The following PTPRK variants were observed in gnomAD, a reference collection of about 807,000 sequenced individuals.
PTPRK encodes the protein protein tyrosine phosphatase receptor type K.
Under a neutral mutation model 178.0 loss-of-function variants are expected in PTPRK, and 75 were observed. The observed-to-expected ratio is 0.42, with a 90% CI of 0.35 to 0.51. PTPRK has a LOEUF of 0.51. Among genes scored for constraint, PTPRK ranks in the 20% least tolerant of loss-of-function variants. PTPRK has a pLI of 0.02. For missense variants in PTPRK, 1,441 were observed against 1,797.8 expected (o/e 0.80, Z 3.59); for synonymous variants, 637 against 620.6 (o/e 1.03, Z -0.39).
chr6:128,284,623 C>A (rs1224576886), intron 3 of PTPRK, among the ~76,000 whole-genome samples: 1 of 152,148 alleles, frequency 6.6e-6, no homozygotes, highest in Non-Finnish European at 1.5e-5. Flanking sequence ...AACAAGATGA[C>A]CTCCTTTTTA....
chr6:128,329,599 C>A (rs1314107361), intron 2 of PTPRK, among the ~76,000 whole-genome samples: 1 of 152,136 alleles, frequency 6.6e-6, no homozygotes, highest in Non-Finnish European at 1.5e-5. Flanking sequence ...AAGTTCCAAT[C>A]TGAGTCCAAG....
intron 8 of PTPRK, among the ~76,000 whole-genome samples, chr6:128,087,358 T>C (rs1786065353): frequency 6.6e-6 from 1 of 152,094 alleles, no homozygotes; most frequent in Admixed American, 6.6e-5. Flanking sequence ...AACATGTGAA[T>C]ATACTTTAAT....
chr6:128,446,412 G>T (rs1411736898), intron 1 of PTPRK, among the ~76,000 whole-genome samples: 1 of 152,132 alleles, frequency 6.6e-6, no homozygotes, highest in Non-Finnish European at 1.5e-5. Context: ...TGTACAAACC[G>T]CTTTCCACAG....
chr6:128,154,627 T>G (rs1797719636), intron 7 of PTPRK, among the ~76,000 whole-genome samples: 1 of 151,608 alleles, frequency 6.6e-6, no homozygotes. Context: ...TCAAAACCAA[T>G]GGGAGATTTT....
intron 23 of PTPRK, 100 bp from the exon 24 acceptor site, chr6:127,983,080 T>C (rs1315035041): frequency 7.3e-7 from 1 of 1,363,870 alleles, no homozygotes; most frequent in Non-Finnish European, 1.0e-6. Context: ...TATGGAAATA[T>C]GAATTAAAAC....
At chr6:128,193,726 C>T (rs146190914) in intron 6 of PTPRK, among the ~76,000 whole-genome samples, 29 of 152,214 alleles carry the variant, frequency 1.9e-4, no homozygotes, top group African/African-American at 4.8e-4. Context: ...GCAAATTTTG[C>T]ATACTGAATT....
chr6:128,152,227 A>G (rs1461729822), intron 7 of PTPRK, among the ~76,000 whole-genome samples: 1 of 152,010 alleles, frequency 6.6e-6, no homozygotes, highest in African/African-American at 2.4e-5. Flanking sequence ...GCTGAGAGTT[A>G]AGAGAATGGT....
intron 15 of PTPRK, among the ~76,000 whole-genome samples, chr6:128,001,536 ACT>A (rs1777834927): frequency 6.6e-6 from 1 of 151,926 alleles, no homozygotes; most frequent in Non-Finnish European, 1.5e-5. Context: ...AGACTTTATG[ACT>A]CTATTGTGTT....
In PTPRK at chr6:127,981,240, G is replaced by A. The variant is rs1775306908; in HGVS notation, c.3587C>T (p.Ala1196Val). The A allele has an allele frequency of 6.2e-7, 1 of 1,613,816 alleles. No homozygotes were observed. Among genetic ancestry groups the A allele is most frequent in the Non-Finnish European group, 8.5e-7 (1 of 1,179,844 alleles). The change falls in exon 25 of 30, where the codon GCG (alanine) becomes GTG (valine). Residue 1196 changes from alanine (A) to valine (V), a missense_variant. By Grantham distance (64) the Ala-to-Val change is moderately conservative. Transcript: ENST00000368226. ...CTTGTCATGGTTCCTTGGCAGGCAC[G>A]CTATACTGCAGTCTTCAGCTTGTAG... ...PRLQAEDCSI[A>V]CLPRNHDKNR...
chr6:128,516,472 G>A (rs141441141), intron 1 of PTPRK, among the ~76,000 whole-genome samples: 130 of 151,886 alleles, frequency 8.6e-4, no homozygotes, highest in African/African-American at 2.9e-3. Context: ...ATGAATTGAG[G>A]GATCGAGGGA....
At chr6:128,099,278 T>C (rs1430051052) in intron 7 of PTPRK, among the ~76,000 whole-genome samples, 2 of 151,746 alleles carry the variant, frequency 1.3e-5, no homozygotes, top group Non-Finnish European at 2.9e-5. Flanking sequence ...ATAACTCCCT[T>C]GTAAATATTT....
chr6:128,322,149 C>G lies in PTPRK; in HGVS notation c.385G>C (p.Val129Leu). ...NPGTLNILVRVNKGPLANPIW... is the reference protein window; with the variant it reads ...NPGTLNILVRLNKGPLANPIW... ...GGATTGGCAAGAGGTCCTTTATTCA[C>G]CCTAACTAATATGTTCAAAGTGCCA... The change falls in exon 3 of 30, where the codon GTG becomes CTG. Residue 129 changes from valine to leucine, a missense_variant. Val to Leu is a conservative substitution (Grantham distance 32, BLOSUM62 1). Coordinates refer to ENST00000368226, the MANE Select transcript of PTPRK (RefSeq NM_002844.4). The G allele has an allele frequency of 6.2e-7, 1 of 1,613,870 alleles. No individual in the cohort carries two copies. Among genetic ancestry groups the G allele is most frequent in the Non-Finnish European group, 8.5e-7 (1 of 1,179,860 alleles).
At chr6:128,240,300 C>T in intron 4 of PTPRK, 150 bp from the exon 5 acceptor site, 2 of 619,080 alleles carry the variant, frequency 3.2e-6, no homozygotes, top group Non-Finnish European at 5.7e-6. Context: ...TTTTTTTGTG[C>T]CGGAAGACAC....
chr6:128,487,890 C>T (rs1853196059), intron 1 of PTPRK, among the ~76,000 whole-genome samples: 1 of 152,146 alleles, frequency 6.6e-6, no homozygotes, highest in South Asian at 2.1e-4. Flanking sequence ...CCCCCAAAAC[C>T]GCATTCAATG....
chr6:128,409,383 A>G, intron 1 of PTPRK: 1 of 440,710 alleles, frequency 2.3e-6, no homozygotes, highest in Non-Finnish European at 4.5e-6. Flanking sequence ...AGAGGTAGAC[A>G]CATCATAAGT....
intron 13 of PTPRK, among the ~76,000 whole-genome samples, chr6:128,023,651 CTT>C (rs2114770343): frequency 6.6e-6 from 1 of 152,034 alleles, no homozygotes; most frequent in African/African-American, 2.4e-5. Context: ...TATTCGATCT[CTT>C]ATTTTATTTT....
At chr6:128,474,440 C>G (rs984995303) in intron 1 of PTPRK, among the ~76,000 whole-genome samples, 2 of 151,874 alleles carry the variant, frequency 1.3e-5, no homozygotes, top group African/African-American at 4.8e-5. Flanking sequence ...AACCAATGAC[C>G]TCAGAAAATA....
chr6:128,195,590 T>G (rs1219677269), intron 6 of PTPRK, among the ~76,000 whole-genome samples: 1 of 152,126 alleles, frequency 6.6e-6, no homozygotes, highest in African/African-American at 2.4e-5. Flanking sequence ...CATATCCCTG[T>G]ATGTACAACT....
At chr6:127,992,112 CT>C (rs1776677697) in intron 19 of PTPRK, among the ~76,000 whole-genome samples, 1 of 151,534 alleles carries the variant, frequency 6.6e-6, no homozygotes, top group Non-Finnish European at 1.5e-5. Flanking sequence ...ACTACAGATG[CT>C]TTTTTTGTTG....
Sources: allele counts gnomAD v4.1 joint callset (sites outside exome capture counted in the v4.1 genomes callset), GRCh38; gene constraint gnomAD v4.1.1; transcripts MANE v1.5; gene names NCBI Gene and HGNC (gene_info 2026-07-23, HGNC 2026-07-21).